Variants in ZNF804B observed in about 807,000 individuals in gnomAD.
ZNF804B encodes the protein zinc finger 804B.
A neutral mutation model predicts 101.4 loss-of-function variants in ZNF804B; 80 were observed. The ratio of observed to expected loss-of-function variants is 0.79; its 90% CI spans 0.66 to 0.95. ZNF804B has a LOEUF of 0.95. Ranked by LOEUF, ZNF804B falls within the 40% of genes least tolerant of loss-of-function variation. The pLI, the probability that ZNF804B is intolerant of heterozygous loss-of-function variation, is 0.00. For missense variants in ZNF804B, 1,673 were observed against 1,561.9 expected, an observed-to-expected ratio of 1.07 and a Z score of -1.20; for synonymous variants, 622 against 558.8, an observed-to-expected ratio of 1.11 and a Z score of -1.59.
At chr7:88,805,849 CT>C (rs1184799113) in intron 1 of ZNF804B, among the ~76,000 whole-genome samples, 3 of 152,156 alleles carry the variant, frequency 2.0e-5, no homozygotes, top group Non-Finnish European at 4.4e-5. Context: ...ATATGTGCCA[CT>C]GTTGGCCTCA....
intron 1 of ZNF804B, among the ~76,000 whole-genome samples, chr7:89,200,787 T>G (rs1034146792): frequency 1.3e-5 from 2 of 152,040 alleles, no homozygotes; most frequent in African/African-American, 2.4e-5. Context: ...GCAACCCTGA[T>G]TCTTTCCTCC....
intron 1 of ZNF804B, among the ~76,000 whole-genome samples, chr7:88,873,054 C>T (rs1791863340): frequency 6.6e-6 from 1 of 151,824 alleles, no homozygotes; most frequent in African/African-American, 2.4e-5. Context: ...CACTGACTTC[C>T]ACAATGGTTG....
intron 1 of ZNF804B, among the ~76,000 whole-genome samples, chr7:89,015,418 G>T (rs1584073778): frequency 6.6e-6 from 1 of 151,746 alleles, no homozygotes; most frequent in East Asian, 1.9e-4. Context: ...CATGTGCTAT[G>T]CTGGTGTGCT....
intron 1 of ZNF804B, among the ~76,000 whole-genome samples, chr7:88,904,111 C>A (rs2115959522): frequency 6.6e-6 from 1 of 152,238 alleles, no homozygotes; most frequent in South Asian, 2.1e-4. Context: ...TTTAATCCAT[C>A]TTGACTTAAT....
intron 1 of ZNF804B, among the ~76,000 whole-genome samples, chr7:88,860,324 AGTT>A (rs1428314682): frequency 1.3e-5 from 2 of 152,054 alleles, no homozygotes; most frequent in African/African-American, 2.4e-5. Context: ...TTAATTTTTC[AGTT>A]GTTTGCTTGA....
At chr7:88,973,435 T>A (rs894342289) in intron 1 of ZNF804B, among the ~76,000 whole-genome samples, 3 of 151,350 alleles carry the variant, frequency 2.0e-5, no homozygotes, top group African/African-American at 7.3e-5. Context: ...TCTTTTTAAA[T>A]CTGAAGTGTG....
chr7:89,075,821 G>A (rs1488340417), intron 1 of ZNF804B, among the ~76,000 whole-genome samples: 1 of 152,212 alleles, frequency 6.6e-6, no homozygotes, highest in Non-Finnish European at 1.5e-5. Flanking sequence ...TAACAGCCAT[G>A]GGGCAAAGGT....
At chr7:88,869,118 T>C (rs1791778345) in intron 1 of ZNF804B, among the ~76,000 whole-genome samples, 1 of 152,254 alleles carries the variant, frequency 6.6e-6, no homozygotes, top group African/African-American at 2.4e-5. Flanking sequence ...GATATTTTTA[T>C]AAATCACATG....
intron 1 of ZNF804B, among the ~76,000 whole-genome samples, chr7:88,978,342 T>C (rs936158656): frequency 2.6e-5 from 4 of 151,878 alleles, no homozygotes; most frequent in Non-Finnish European, 5.9e-5. Context: ...TCTATTATTG[T>C]ACTGGGGTTT....
At position 88,920,560 on chromosome 7, in the gene ZNF804B, C is replaced by T. The variant is rs145719828; in HGVS notation, c.108+160476C>T. Among the ~76,000 whole-genome samples, 181 of 151,822 alleles carry T rather than the reference C, an allele frequency of 1.2e-3. 1 individual carries two copies. Among genetic ancestry groups the T allele is most frequent in the African/African-American group, 4.2e-3 (172 of 41,426 alleles). On this transcript the variant is annotated intron_variant, in intron 1 of 3. Coordinates refer to ENST00000333190, the MANE Select transcript of ZNF804B (RefSeq NM_181646.5). ...ATCACCATATCCTGGGTCATTATCC[C>T]GTATTATATTAAAAAAAGAGTTCCA...
At chr7:88,920,998 A>G (rs542214937) in intron 1 of ZNF804B, among the ~76,000 whole-genome samples, 6 of 152,204 alleles carry the variant, frequency 3.9e-5, no homozygotes, top group Non-Finnish European at 8.8e-5. Flanking sequence ...TCTGAACTAG[A>G]TATCATGATT....
intron 2 of ZNF804B, among the ~76,000 whole-genome samples, chr7:89,236,822 T>C (rs946345329): frequency 6.6e-6 from 1 of 152,180 alleles, no homozygotes; most frequent in African/African-American, 2.4e-5. Context: ...CAAGTAATTT[T>C]AGAATCTGGA....
intron 1 of ZNF804B, among the ~76,000 whole-genome samples, chr7:88,892,738 A>C (rs1166014221): frequency 6.6e-6 from 1 of 152,126 alleles, no homozygotes; most frequent in Non-Finnish European, 1.5e-5. Context: ...TGTTTTTGTT[A>C]AACTTTGTAC....
chr7:89,104,333 G>T (rs1325838058), intron 1 of ZNF804B, among the ~76,000 whole-genome samples: 1 of 151,944 alleles, frequency 6.6e-6, no homozygotes, highest in Non-Finnish European at 1.5e-5. Context: ...TCATACACCT[G>T]GTAAAATTCA....
chr7:88,957,149 A>C (rs1793322193), intron 1 of ZNF804B, among the ~76,000 whole-genome samples: 1 of 151,448 alleles, frequency 6.6e-6, no homozygotes, highest in African/African-American at 2.4e-5. Context: ...AGCCCATTTA[A>C]AGTAGAAACT....
chr7:88,833,075 G>T (rs1241348082), intron 1 of ZNF804B, among the ~76,000 whole-genome samples: 1 of 150,482 alleles, frequency 6.6e-6, no homozygotes, highest in East Asian at 2.0e-4. Flanking sequence ...TTAACCTGTT[G>T]TAAATTTATA....
At chr7:89,031,946 C>T (rs1404874252) in intron 1 of ZNF804B, among the ~76,000 whole-genome samples, 1 of 145,528 alleles carries the variant, frequency 6.9e-6, no homozygotes, top group East Asian at 2.0e-4. Context: ...TTGACAAATG[C>T]TTATAATATT....
At chr7:89,318,698 G>T (rs372246867) in intron 2 of ZNF804B, among the ~76,000 whole-genome samples, 2 of 152,172 alleles carry the variant, frequency 1.3e-5, no homozygotes, top group African/African-American at 4.8e-5. Context: ...GGAGGCAGAG[G>T]TTGCAGTGAC....
chr7:88,926,457 T>C (rs954666847), intron 1 of ZNF804B, among the ~76,000 whole-genome samples: 7 of 144,646 alleles, frequency 4.8e-5, no homozygotes. Flanking sequence ...TAGCCGGGCG[T>C]AGTGGTGCAT....
Sources: allele counts gnomAD v4.1 joint callset (sites outside exome capture counted in the v4.1 genomes callset), GRCh38; gene constraint gnomAD v4.1.1; transcripts MANE v1.5; gene names NCBI Gene and HGNC (gene_info 2026-07-23, HGNC 2026-07-21).